Variants in AAMDC observed in about 807,000 individuals in gnomAD.
AAMDC encodes the protein adipogenesis associated Mth938 domain containing.
A neutral mutation model predicts 15.5 loss-of-function variants in AAMDC; 16 were observed. The observed-to-expected ratio is 1.03, with a 90% CI of 0.70 to 1.57. AAMDC has a LOEUF of 1.57. Ranked by LOEUF, AAMDC falls within the 40% of genes most tolerant of loss-of-function variation. The pLI is 0.00. For synonymous variants in AAMDC, 51 were observed against 51.6 expected, an observed-to-expected ratio of 0.99 and a Z score of 0.05; for missense variants, 141 against 144.9, an observed-to-expected ratio of 0.97 and a Z score of 0.14.
At chr11:77,841,460 T>C (rs1333986230) in intron 1 of AAMDC, among the ~76,000 whole-genome samples, 1 of 152,198 alleles carries the variant, frequency 6.6e-6, no homozygotes, top group Non-Finnish European at 1.5e-5. Flanking sequence ...TAATTAAACA[T>C]TTGGCTCAAA....
intron 2 of AAMDC, 96 bp from the exon 3 acceptor site, chr11:77,869,626 A>G: frequency 8.3e-7 from 1 of 1,200,574 alleles, no homozygotes; most frequent in Non-Finnish European, 1.2e-6. Flanking sequence ...AGTGAACCTC[A>G]GTAGACATTT....
intron 5 of AAMDC, among the ~76,000 whole-genome samples, chr11:77,888,171 C>G (rs1226981599): frequency 6.6e-6 from 1 of 152,218 alleles, no homozygotes. Flanking sequence ...TGACTTCAAA[C>G]TATACTACAA....
At chr11:77,825,763 C>T (rs1305915255) in intron 1 of AAMDC, among the ~76,000 whole-genome samples, 3 of 151,292 alleles carry the variant, frequency 2.0e-5, no homozygotes, top group Non-Finnish European at 4.4e-5. Context: ...ACGATCTAGG[C>T]TCACTGCAAC....
intron 5 of AAMDC, among the ~76,000 whole-genome samples, chr11:77,899,078 C>A (rs1220508402): frequency 6.6e-6 from 1 of 152,054 alleles, no homozygotes; most frequent in Non-Finnish European, 1.5e-5. Context: ...ATAACCCTTA[C>A]AATAACCCTG....
chr11:77,894,241 C>T (rs775152415), intron 5 of AAMDC: 26 of 969,294 alleles, frequency 2.7e-5, no homozygotes, highest in South Asian at 5.7e-5. Flanking sequence ...AAGTGCTATA[C>T]TCCATGTAAC....
chr11:77,828,626 G>T (rs542405515), intron 1 of AAMDC, among the ~76,000 whole-genome samples: 1 of 148,032 alleles, frequency 6.8e-6, no homozygotes, highest in African/African-American at 2.5e-5. Context: ...AGCCAAGATC[G>T]CACCACTGCA....
At chr11:77,877,439 C>T (rs1048743970) in intron 5 of AAMDC, among the ~76,000 whole-genome samples, 3 of 152,194 alleles carry the variant, frequency 2.0e-5, no homozygotes, top group African/African-American at 7.2e-5. Context: ...GGTTCAGATT[C>T]TACCAATTGT....
At chr11:77,858,299 ATTC>A (rs1950718324) in intron 2 of AAMDC, among the ~76,000 whole-genome samples, 1 of 91,584 alleles carries the variant, frequency 1.1e-5, no homozygotes, top group East Asian at 3.2e-4. Context: ...CGTTTAAGCA[ATTC>A]TTTTTTTTTT....
downstream of AAMDC, chr11:77,903,553 G>A: frequency 6.2e-7 from 1 of 1,613,870 alleles, no homozygotes; most frequent in Non-Finnish European, 8.5e-7. Flanking sequence ...TTTCGCTGCT[G>A]CTGAGGCCAA....
chr11:77,890,413 ACTCATATCCCTTTGGCCCTTCT>A (rs1351249024), intron 5 of AAMDC, among the ~76,000 whole-genome samples: 2 of 151,544 alleles, frequency 1.3e-5, no homozygotes, highest in Non-Finnish European at 2.9e-5. Context: ...CCCTGCTTTG[ACTCATATCCCTTTGGCCCTTCT>A]CTCATATCCC....
chr11:77,848,688 C>T (rs2136175578), intron 2 of AAMDC, among the ~76,000 whole-genome samples: 1 of 152,302 alleles, frequency 6.6e-6, no homozygotes. Flanking sequence ...AACTTAAGCA[C>T]AGAGAAGTTA....
rs772908378 is a variant in AAMDC at position 77,879,035 on chromosome 11, G to A, written c.328+1986G>A. The A allele has an allele frequency of 4.3e-6, 7 of 1,614,134 alleles. No individual in the cohort carries two copies. In the East Asian group the frequency reaches 1.3e-4, roughly 31 times the overall value. ...CCCTCGATGCTGGTTTCCACCTGTG[G>A]TGACATCTCACCACCCTCCATCCAG... On this transcript the variant is annotated intron_variant, in intron 5 of 5. Transcript: ENST00000304716.
At chr11:77,896,202 T>C (rs918518277) in intron 5 of AAMDC, among the ~76,000 whole-genome samples, 3 of 151,202 alleles carry the variant, frequency 2.0e-5, no homozygotes, top group Non-Finnish European at 2.9e-5. Flanking sequence ...AAACAGCAGA[T>C]GACAAGAAGA....
rs182300517 is a variant in AAMDC, at chr11:77,896,894, C to T, written c.329-3677C>T. Among the ~76,000 whole-genome samples the T allele has an allele frequency of 2.3e-3, 348 of 150,354 alleles. 3 individuals are homozygous for T. Among genetic ancestry groups the T allele is most frequent in the African/African-American group, 8.3e-3 (341 of 40,960 alleles). On this transcript the variant is annotated intron_variant, in intron 5 of 5. Transcript: ENST00000304716. The stretch of plus-strand genomic sequence containing the variant: ...AAGAATATTGAAAGAAAACACATAC[C>T]TAGACATATCCTGGTGAAATTAAAA...
chr11:77,873,813 CACTT>C (rs1951521879), downstream of AAMDC, among the ~76,000 whole-genome samples: 1 of 152,198 alleles, frequency 6.6e-6, no homozygotes, highest in Admixed American at 6.5e-5. Flanking sequence ...ACTGAAAAAA[CACTT>C]ACTTGGCAGC....
At chr11:77,857,960 C>T (rs922418626) in intron 2 of AAMDC, among the ~76,000 whole-genome samples, 7 of 152,098 alleles carry the variant, frequency 4.6e-5, no homozygotes, top group African/African-American at 1.7e-4. Flanking sequence ...CCCCAAAGTG[C>T]TGGGATTACA....
intron 5 of AAMDC, among the ~76,000 whole-genome samples, chr11:77,893,538 G>A (rs193233904): frequency 2.0e-4 from 30 of 152,314 alleles, no homozygotes; most frequent in Admixed American, 1.5e-3. Flanking sequence ...TAGCCCACGA[G>A]TTCAAGGGTG....
chr11:77,868,664 T>C, intron 2 of AAMDC: 1 of 163,984 alleles, frequency 6.1e-6, no homozygotes. Context: ...TAATGTACAG[T>C]CCAGAGGTTT....
intron 5 of AAMDC, chr11:77,894,271 A>G (rs1389338340): frequency 4.5e-6 from 6 of 1,340,272 alleles, no homozygotes; most frequent in Non-Finnish European, 4.2e-6. Context: ...ATAAGCCAGA[A>G]GAGTTATAAA....
Sources: gnomAD v4.1 joint callset for allele counts (sites outside exome capture counted in the v4.1 genomes callset) on GRCh38, gnomAD v4.1.1 for gene constraint, MANE v1.5 for transcripts, NCBI Gene and HGNC (gene_info 2026-07-23, HGNC 2026-07-21) for gene names.